Variants in LIMS2 observed in about 807,000 individuals in gnomAD.
LIMS2 encodes the protein LIM and senescent cell antigen-like-containing domain protein 2.
Under a neutral mutation model 45.3 loss-of-function variants are expected in LIMS2, and 30 were observed. The observed-to-expected ratio is 0.66, with a 90% CI of 0.50 to 0.90. The LOEUF is 0.90. Among genes scored for constraint, LIMS2 ranks in the 40% least tolerant of loss-of-function variants. LIMS2 has a pLI of 0.00. For synonymous variants in LIMS2, 173 were observed against 188.0 expected (o/e 0.92, Z 0.65); for missense variants, 485 against 468.7 (o/e 1.03, Z -0.32).
intron 2 of LIMS2, 184 bp from the exon 3 acceptor site, chr2:127,655,080 TG>T: frequency 1.5e-6 from 1 of 669,144 alleles, no homozygotes; most frequent in Admixed American, 2.2e-5. Context: ...TTTGGGATGG[TG>T]GGGTGCAAAG....
At chr2:127,677,235 T>G (rs1573857193), upstream of LIMS2, among the ~76,000 whole-genome samples, 1 of 152,214 alleles carries the variant, frequency 6.6e-6, no homozygotes, top group African/African-American at 2.4e-5. The surrounding 1 kb of genome is among the most constrained non-coding windows in gnomAD (Gnocchi z 5.0). Flanking sequence ...CAAGAGTATT[T>G]ATACCGCATG....
intron 1 of LIMS2, among the ~76,000 whole-genome samples, chr2:127,668,699 A>AAAAAAAAAAAAAC (rs1558901474): frequency 1.0e-5 from 1 of 98,066 alleles, no homozygotes; most frequent in Non-Finnish European, 2.2e-5. Flanking sequence ...AAAAAAAAAA[A>AAAAAAAAAAAAAC]AAAAAAAAAA....
chr2:127,655,152 G>A, intron 2 of LIMS2: 1 of 580,290 alleles, frequency 1.7e-6, no homozygotes, highest in Non-Finnish European at 3.1e-6. Context: ...GGCCACTGGT[G>A]TCTACTGAGG....
intron 1 of LIMS2, among the ~76,000 whole-genome samples, chr2:127,660,335 G>A (rs899370602): frequency 6.6e-6 from 1 of 152,192 alleles, no homozygotes; most frequent in African/African-American, 2.4e-5. Flanking sequence ...CCTTTGCTTG[G>A]TGTGGAAAGT....
chr2:127,666,459 C>T (rs1406889465), intron 1 of LIMS2, among the ~76,000 whole-genome samples: 1 of 152,140 alleles, frequency 6.6e-6, no homozygotes, highest in African/African-American at 2.4e-5. Flanking sequence ...CTCCCTAACT[C>T]CATGGCTTCC....
chr2:127,642,184 G>A lies in LIMS2; in HGVS notation c.525C>T (p.Ala175=), dbSNP rs532651765. The A allele has an allele frequency of 7.0e-6, 11 of 1,563,674 alleles. 1 individual carries two copies. Among genetic ancestry groups the A allele is most frequent in the South Asian group, 5.8e-5 (5 of 85,968 alleles). Residue 175 remains alanine (A), a synonymous_variant, in exon 6 of 10, where the codon GCC becomes GCT. Coordinates refer to ENST00000355119, the MANE Select transcript of LIMS2 (RefSeq NM_001161403.3). This position sits in a 1 kb window ranked among gnomAD's most constrained non-coding sequence, Gnocchi z 5.3. ...NCTHCGKELT[A]EARELKGELY... ...GCTCACCCTTCAGCTCGCGGGCCTC[G>A]GCTGTCAGCTCCTTCCTGGAAGACA...
chr2:127,642,446 A>T lies in LIMS2; in HGVS notation c.510-247T>A. 1 of 354,990 alleles carries T rather than the reference A, an allele frequency of 2.8e-6. No homozygotes were observed. The allele number at this position is 354,990 out of a possible 1,614,324, so 22.0% of individuals were successfully genotyped here. ...TTCTGCACCCAGGCCTCTGAGAAGC[A>T]GGTCTGTTCTTGGGCCCCCCTCCTC... is the stretch of plus-strand genomic sequence containing the variant. On this transcript the variant is annotated intron_variant, in intron 5 of 9. Coordinates refer to ENST00000355119, the MANE Select transcript of LIMS2 (RefSeq NM_001161403.3). The surrounding 1 kb of genome is among the most constrained non-coding windows in gnomAD (Gnocchi z 5.3).
chr2:127,660,933 G>A (rs1684602575), intron 1 of LIMS2, among the ~76,000 whole-genome samples: 1 of 151,732 alleles, frequency 6.6e-6, no homozygotes, highest in Non-Finnish European at 1.5e-5. Context: ...GGGGGTGGGG[G>A]GGGCGGATGT....
intron 7 of LIMS2, 157 bp downstream of exon 7, chr2:127,640,739 T>C: frequency 1.5e-6 from 1 of 661,988 alleles, no homozygotes; most frequent in Non-Finnish European, 2.7e-6. Context: ...TGCCCAGGTC[T>C]CGAGACCCCA....
chr2:127,663,515 A>G (rs1477444244), intron 1 of LIMS2, among the ~76,000 whole-genome samples: 1 of 152,056 alleles, frequency 6.6e-6, no homozygotes, highest in African/African-American at 2.4e-5. Context: ...GACCACACAC[A>G]AGGAGCTGAG....
chr2:127,642,946 G>A lies in LIMS2; in HGVS notation c.486C>T (p.Asp162=). ...ACCCACAGTGGGTGCAGTTGAAGTG[G>A]TCAGGGTGGTAGGCGTCGCTCCTGA... The part of the protein sequence containing the change: ...LMFRSDAYHP[D]HFNCTHCGKE... Residue 162 remains aspartate, a synonymous_variant, in exon 5 of 10, where the codon GAC becomes GAT. Coordinates refer to ENST00000355119, the MANE Select transcript of LIMS2 (RefSeq NM_001161403.3). The surrounding 1 kb of genome is among the most constrained non-coding windows in gnomAD (Gnocchi z 5.3). The A allele has an allele frequency of 6.4e-7, 1 of 1,565,496 alleles. No homozygotes were observed. Among genetic ancestry groups the A allele is most frequent in the Non-Finnish European group, 8.7e-7 (1 of 1,155,174 alleles).
intron 4 of LIMS2, chr2:127,651,762 G>C (rs775630529): frequency 4.3e-6 from 7 of 1,609,756 alleles, no homozygotes; most frequent in Non-Finnish European, 5.9e-6. Flanking sequence ...GTGAGCGGGG[G>C]GCGCCGTCCA....
chr2:127,640,125 C>T lies in LIMS2; in HGVS notation c.823G>A (p.Ala275Thr). 8.7e-6 allele frequency: 14 copies of T among 1,613,470 alleles called. No individual in the cohort carries two copies. Among genetic ancestry groups the T allele is most frequent in the Non-Finnish European group, 1.2e-5 (14 of 1,180,012 alleles). ...CAGGAGAAGCAGCTCACACACCAGG[C>T]CTTGTTGAGGGCCGACACCACTGTG... ...EGDVVSALNK[A>T]WCVSCFSCST... The change falls in exon 9 of 10, where the codon GCC becomes ACC. Residue 275 changes from alanine (A) to threonine (T), a missense_variant. Transcript: ENST00000355119.
At chr2:127,645,432 G>A (rs909343460) in intron 4 of LIMS2, among the ~76,000 whole-genome samples, 1 of 152,204 alleles carries the variant, frequency 6.6e-6, no homozygotes, top group Non-Finnish European at 1.5e-5. Flanking sequence ...GGCGGCCGCC[G>A]GCAGCATTCA....
At chr2:127,657,368 G>A (rs773147046) in intron 2 of LIMS2, 35 bp downstream of exon 2, 1 of 1,612,888 alleles carries the variant, frequency 6.2e-7, no homozygotes, top group South Asian at 1.1e-5. Flanking sequence ...CAGACTCCGA[G>A]CTGGGTCTGA....
intron 9 of LIMS2, among the ~76,000 whole-genome samples, 170 bp from the exon 10 acceptor site, chr2:127,639,598 G>A (rs1682196172): frequency 1.3e-5 from 2 of 152,106 alleles, no homozygotes. Flanking sequence ...GATGAGAAGG[G>A]CCTTGAGGCT....
Position 127,640,674 on chromosome 2 carries a change from C to T in LIMS2, c.753+222G>A, listed in dbSNP as rs1229011461. ...CACTGTCAGCCCCATGTGCCCGGGA[C>T]CTCACACCAGCCCCAGAACATTCTT... On this transcript the variant is annotated intron_variant, in intron 7 of 9. Coordinates refer to ENST00000355119, the MANE Select transcript of LIMS2 (RefSeq NM_001161403.3). 1.3e-5 allele frequency: 8 copies of T among 598,720 alleles called. No individual in the cohort carries two copies. The East Asian group carries it at 1.9e-4, about 14-fold the overall frequency. 37.1% of individuals were successfully genotyped at this position (598,720 alleles called of 1,614,324 possible).
At chr2:127,654,753 C>T (rs909248968) in intron 3 of LIMS2, 77 bp downstream of exon 3, 2 of 1,512,912 alleles carry the variant, frequency 1.3e-6, no homozygotes, top group Non-Finnish European at 1.8e-6. Flanking sequence ...GTTCTGTGTA[C>T]CCCCTCGGCC....
In LIMS2 at chr2:127,653,454, G is replaced by A. The variant is rs1450681500; in HGVS notation, c.359+970C>T. 6.6e-6 allele frequency among the ~76,000 whole-genome samples: 1 copy of A among 152,188 alleles called. No homozygotes were observed. The highest frequency in any genetic ancestry group is 6.5e-5 in the Admixed American group (1 of 15,284). On this transcript the variant is annotated intron_variant, in intron 4 of 9. Coordinates refer to ENST00000355119, the MANE Select transcript of LIMS2 (RefSeq NM_001161403.3). This position sits in a 1 kb window ranked among gnomAD's most constrained non-coding sequence, Gnocchi z 5.3. ...GGCAGCTGAGGACAGCGAGAGAGAG[G>A]CCTGAAGTGGAGCCTGGAATTCTCC...
Sources: allele counts gnomAD v4.1 joint callset (sites outside exome capture counted in the v4.1 genomes callset), GRCh38; gene constraint gnomAD v4.1.1; non-coding constraint Gnocchi (gnomAD v3.1); transcripts MANE v1.5; gene names NCBI Gene and HGNC (gene_info 2026-07-23, HGNC 2026-07-21).